IL17RD: variants seen among roughly 807,000 people sequenced by gnomAD.
IL17RD encodes the protein interleukin-17 receptor D.
In IL17RD, 52 loss-of-function variants were observed where a neutral mutation model predicts 80.5. The observed-to-expected ratio is 0.65, with a 90% CI of 0.52 to 0.81. The LOEUF (loss-of-function observed/expected upper bound fraction) is 0.81, where lower values mean the gene tolerates loss of function less well. Among genes scored for constraint, IL17RD ranks in the 40% least tolerant of loss-of-function variants. The pLI is 0.00. For missense variants in IL17RD, 1,024 were observed against 955.1 expected (o/e 1.07, Z -0.95); for synonymous variants, 416 against 391.8 (o/e 1.06, Z -0.73).
Position 57,165,293 on chromosome 3 carries a change from G to A in IL17RD, c.-7C>T. Reference sequence around the variant, plus strand: ...GCTGCAGCCACGGGGCCATGGCCGTGCGCTCGCCCAGCCAGGCCGTTCTCT... The same window carrying A: ...GCTGCAGCCACGGGGCCATGGCCGTACGCTCGCCCAGCCAGGCCGTTCTCT... On this transcript the variant is annotated 5_prime_UTR_variant, in exon 1 of 13. Transcript: ENST00000296318. The A allele has an allele frequency of 1.4e-6, 2 of 1,454,342 alleles. No individual in the cohort carries two copies. Among genetic ancestry groups the A allele is most frequent in the Non-Finnish European group, 1.8e-6 (2 of 1,100,104 alleles). 90.1% of individuals were successfully genotyped at this position (1,454,342 alleles called of 1,614,324 possible).
intron 1 of IL17RD, among the ~76,000 whole-genome samples, chr3:57,122,740 C>CTGT (rs1553625050): frequency 0.013 from 1,527 of 117,018 alleles, 33 homozygotes; most frequent in African/African-American, 0.047. Flanking sequence ...CCTCAACTGT[C>CTGT]TTTTTTTTTT....
chr3:57,162,183 G>C (rs2060309634), intron 1 of IL17RD, among the ~76,000 whole-genome samples: 1 of 152,230 alleles, frequency 6.6e-6, no homozygotes. Flanking sequence ...ATTCCTGCAA[G>C]GGCAAGGGTT....
intron 1 of IL17RD, among the ~76,000 whole-genome samples, chr3:57,121,440 G>A (rs908353132): frequency 6.6e-6 from 1 of 152,110 alleles, no homozygotes; most frequent in African/African-American, 2.4e-5. Flanking sequence ...CATGGGCCTT[G>A]GGAAAGCACA....
chr3:57,109,552 A>C lies in IL17RD; in HGVS notation c.535T>G (p.Phe179Val). 1 of 1,613,912 alleles carries C rather than the reference A, an allele frequency of 6.2e-7. No individual in the cohort carries two copies. Among genetic ancestry groups the C allele is most frequent in the Non-Finnish European group, 8.5e-7 (1 of 1,179,826 alleles). ...CCATACTCACCTCGGGTTCTAAAGA[A>C]GAAAGGGTGGTAATTGCTTTCGTTT... is the stretch of plus-strand genomic sequence containing the variant. ...IKNESNYHPF[F>V]FRTRACDLLL... Residue 179 changes from phenylalanine to valine, a missense_variant, in exon 5 of 13, where the codon TTC becomes GTC. Physicochemically the swap from Phe to Val is conservative, Grantham distance 50. Coordinates refer to ENST00000296318, the MANE Select transcript of IL17RD (RefSeq NM_017563.5).
chr3:57,107,674 T>G (rs1047924721), intron 5 of IL17RD, among the ~76,000 whole-genome samples: 9 of 152,168 alleles, frequency 5.9e-5, no homozygotes, highest in African/African-American at 2.2e-4. Flanking sequence ...ATTAAAGAGA[T>G]AACCTGTACA....
intron 1 of IL17RD, among the ~76,000 whole-genome samples, chr3:57,121,231 T>A (rs1707330950): frequency 6.6e-6 from 1 of 152,222 alleles, no homozygotes; most frequent in African/African-American, 2.4e-5. Flanking sequence ...ACAAGAAGGA[T>A]GTTGGAGGGA....
upstream of IL17RD, chr3:57,169,110 G>A (rs971459918): frequency 1.5e-5 from 6 of 412,286 alleles, no homozygotes; most frequent in Non-Finnish European, 2.9e-5. Context: ...AAAATGAGGG[G>A]ACCAGGCCCC....
chr3:57,112,242 A>C (rs958554429), intron 3 of IL17RD, among the ~76,000 whole-genome samples: 1 of 152,232 alleles, frequency 6.6e-6, no homozygotes, highest in African/African-American at 2.4e-5. Flanking sequence ...TCCTCCCAAC[A>C]ACCACAGAAG....
rs17581511 is a variant in IL17RD, at chr3:57,095,810, T to A, written c.*583A>T. The A allele has an allele frequency of 6.5e-6, 1 of 153,236 alleles. No homozygotes were observed. The highest frequency in any genetic ancestry group is 2.4e-5 in the African/African-American group (1 of 41,454). 9.5% of individuals were successfully genotyped at this position (153,236 alleles called of 1,614,324 possible). The stretch of plus-strand genomic sequence containing the variant: ...CCCAGTAACACAGAGACTCATTTCA[T>A]AAAAGGTGACTGTATATTCAGTCAC... On this transcript the variant is annotated 3_prime_UTR_variant, in exon 13 of 13. Coordinates refer to ENST00000296318, the MANE Select transcript of IL17RD (RefSeq NM_017563.5).
At position 57,165,105 on chromosome 3, in the gene IL17RD, C is replaced by G. The variant is rs535329099; in HGVS notation, c.126+56G>C. On this transcript the variant is annotated intron_variant, in intron 1 of 12. Coordinates refer to ENST00000296318, the MANE Select transcript of IL17RD (RefSeq NM_017563.5). ...GCTCGCCTCCCCGCGAGCACCTGTG[C>G]GCGCTGCGTCCCCCGCGAGTTGGCG... 5.5e-6 allele frequency: 8 copies of G among 1,455,448 alleles called. No individual in the cohort carries two copies. The African/African-American group carries it at 1.2e-4, about 22-fold the overall frequency. The allele number at this position is 1,455,448 out of a possible 1,614,324, so 90.2% of individuals were successfully genotyped here. A position where few individuals can be genotyped will look rare whatever the true frequency, so the allele number is the denominator to read the frequency against.
intron 1 of IL17RD, among the ~76,000 whole-genome samples, chr3:57,123,370 T>C (rs1438549280): frequency 6.6e-6 from 1 of 152,206 alleles, no homozygotes; most frequent in Non-Finnish European, 1.5e-5. Flanking sequence ...CCTGCCTACC[T>C]TCCCAGTCAC....
intron 1 of IL17RD, among the ~76,000 whole-genome samples, chr3:57,125,796 T>TA (rs1707447451): frequency 6.6e-6 from 1 of 152,108 alleles, no homozygotes; most frequent in Non-Finnish European, 1.5e-5. Flanking sequence ...GTTAAGGGCA[T>TA]AGGTTGGATT....
At chr3:57,150,105 T>A (rs1287916049) in intron 1 of IL17RD, among the ~76,000 whole-genome samples, 1 of 152,098 alleles carries the variant, frequency 6.6e-6, no homozygotes, top group Non-Finnish European at 1.5e-5. Flanking sequence ...TTTTAAAAAC[T>A]CAGATTCCTG....
intron 1 of IL17RD, chr3:57,142,548 G>A: frequency 7.8e-7 from 1 of 1,274,160 alleles, no homozygotes; most frequent in Non-Finnish European, 1.0e-6. Flanking sequence ...CCCCACTCCG[G>A]CCTCCTGGCA....
At chr3:57,106,608 A>T (rs1427505681) in intron 5 of IL17RD, among the ~76,000 whole-genome samples, 1 of 152,216 alleles carries the variant, frequency 6.6e-6, no homozygotes, top group Admixed American at 6.5e-5. Context: ...AACCTTCACT[A>T]GTATTCTAAT....
rs1169223323 is a variant in IL17RD, at chr3:57,158,681, T to C, written c.126+6480A>G. Among the ~76,000 whole-genome samples the C allele has an allele frequency of 6.6e-5, 10 of 152,184 alleles. 1 individual carries two copies. On this transcript the variant is annotated intron_variant, in intron 1 of 12. Transcript: ENST00000296318. ...ACTTTGAACAATGGAGTTGCAAACA[T>C]CAATGTTAACAGTCTCTATTAGAAA...
chr3:57,109,898 A>C (rs1278644604), intron 4 of IL17RD, among the ~76,000 whole-genome samples: 1 of 152,190 alleles, frequency 6.6e-6, no homozygotes, highest in Non-Finnish European at 1.5e-5. Flanking sequence ...GTTAATACTG[A>C]ACCTCAGAGT....
At chr3:57,137,539 G>A (rs568115886) in intron 1 of IL17RD, among the ~76,000 whole-genome samples, 34 of 152,360 alleles carry the variant, frequency 2.2e-4, no homozygotes, top group African/African-American at 8.2e-4. Context: ...CAGATGGGAT[G>A]AGTCAAACCC....
In IL17RD at chr3:57,102,550, ATGGCCACGG is replaced by A; in HGVS notation, c.899_907del (p.Ala300_Ile303delinsVal). 1.3e-6 allele frequency: 2 copies of A among 1,585,110 alleles called. No homozygotes were observed. Among genetic ancestry groups the A allele is most frequent in the Non-Finnish European group, 1.7e-6 (2 of 1,158,114 alleles). ...CGATATGACTACCAGTGGCACTGTGATGGCCACGGCTCTGATGGGCCCGGCCCACGGGGA... is the reference window on the plus strand; with the variant it reads ...CGATATGACTACCAGTGGCACTGTGACTCTGATGGGCCCGGCCCACGGGGA... On this transcript the variant is annotated inframe_deletion, in exon 10 of 13. Coordinates refer to ENST00000296318, the MANE Select transcript of IL17RD (RefSeq NM_017563.5).
Sources: allele counts gnomAD v4.1 joint callset (sites outside exome capture counted in the v4.1 genomes callset), GRCh38; gene constraint gnomAD v4.1.1; transcripts MANE v1.5; gene names NCBI Gene and HGNC (gene_info 2026-07-23, HGNC 2026-07-21).